The following GRM4 variants were observed in gnomAD, a reference collection of about 807,000 sequenced individuals.
The protein encoded by GRM4 is glutamate metabotropic receptor 4.
GRM4 carries 28 observed loss-of-function variants against 81.7 expected under a neutral mutation model. That is an observed-to-expected ratio of 0.34 (90% CI 0.25 to 0.47). The LOEUF is 0.47. Among genes scored for constraint, GRM4 ranks in the 20% least tolerant of loss-of-function variants. The probability of loss-of-function intolerance (pLI) is 1.00; values close to 1 mark genes in which losing one functional copy is unlikely to be tolerated. For missense variants in GRM4, 948 were observed against 1,290.0 expected (o/e 0.73, Z 4.06); for synonymous variants, 488 against 528.8 (o/e 0.92, Z 1.06).
intron 5 of GRM4, among the ~76,000 whole-genome samples, chr6:34,057,355 C>T (rs1765953403): frequency 6.6e-6 from 1 of 152,204 alleles, no homozygotes; most frequent in South Asian, 2.1e-4. Flanking sequence ...GGCCTGAAAG[C>T]TCAGCGGGGC....
rs971683931 is a variant in GRM4 at position 34,104,294 on chromosome 6, G to A, written c.520-12195C>T. On this transcript the variant is annotated intron_variant, in intron 2 of 10. Coordinates refer to ENST00000538487, the MANE Select transcript of GRM4 (RefSeq NM_000841.4). ...CGGGGCTGGGGACATGGAGCAGGCT[G>A]GGCCAGGGCCAGGCATCCTTGCCAG... Among the ~76,000 whole-genome samples the A allele has an allele frequency of 5.3e-5, 8 of 152,232 alleles. No individual in the cohort carries two copies. In the South Asian group the frequency reaches 6.2e-4, roughly 12 times the overall value.
upstream of GRM4, among the ~76,000 whole-genome samples, chr6:34,149,137 C>CCCCCG (rs201329350): frequency 0.021 from 3,133 of 152,116 alleles, 52 homozygotes; most frequent in Middle Eastern, 0.082. Flanking sequence ...AAAGCAACTC[C>CCCCCG]CCCCCAACCT....
At chr6:34,026,088 C>T (rs1426174988) in intron 10 of GRM4, among the ~76,000 whole-genome samples, 1 of 152,232 alleles carries the variant, frequency 6.6e-6, no homozygotes, top group Non-Finnish European at 1.5e-5. Context: ...TAGGCACCAG[C>T]TGACAGTCCC....
intron 1 of GRM4, among the ~76,000 whole-genome samples, chr6:34,151,240 T>A (rs972878804): frequency 7.9e-5 from 12 of 152,182 alleles, no homozygotes; most frequent in African/African-American, 2.9e-4. Flanking sequence ...GAGTTTACAG[T>A]AAGAATTTAT....
chr6:34,044,413 G>C (rs1377462047), intron 6 of GRM4, among the ~76,000 whole-genome samples: 83 of 84,706 alleles, frequency 9.8e-4, no homozygotes, highest in Middle Eastern at 9.6e-3. Flanking sequence ...TATATACACA[G>C]ACACACACAT....
intron 3 of GRM4, among the ~76,000 whole-genome samples, chr6:34,072,215 CCACA>C (rs1332082721): frequency 3.7e-5 from 1 of 27,374 alleles, no homozygotes; most frequent in Non-Finnish European, 8.4e-5. Flanking sequence ...TCACCACAAA[CCACA>C]CAGATGCACA....
intron 2 of GRM4, among the ~76,000 whole-genome samples, chr6:34,119,647 T>A (rs1051730236): frequency 4.6e-5 from 7 of 152,148 alleles, no homozygotes; most frequent in Admixed American, 1.3e-4. Context: ...ACGTGCAAAG[T>A]GGCCCATGCA....
intron 8 of GRM4, among the ~76,000 whole-genome samples, chr6:34,039,894 C>T (rs1461085413): frequency 6.7e-6 from 1 of 150,240 alleles, no homozygotes; most frequent in Non-Finnish European, 1.5e-5. Flanking sequence ...TATCCAGAGT[C>T]CCCCCATCCC....
rs549702538 is a variant in GRM4 at position 34,132,182 on chromosome 6, C to G, written c.519+796G>C. Among the ~76,000 whole-genome samples the G allele has an allele frequency of 1.7e-3, 261 of 152,132 alleles. 1 individual carries two copies. The highest frequency in any genetic ancestry group is 6.9e-3 in the South Asian group (33 of 4,816). On this transcript the variant is annotated intron_variant, in intron 2 of 10. Transcript: ENST00000538487. ...AGGAAAGGAGGCGGCAAGGAGGGGGCTGGGAGGGATTCCAGAAGGAAAGGG... is the reference window on the plus strand; with the variant it reads ...AGGAAAGGAGGCGGCAAGGAGGGGGGTGGGAGGGATTCCAGAAGGAAAGGG...
intron 9 of GRM4, among the ~76,000 whole-genome samples, chr6:34,031,591 C>T (rs1344524043): frequency 6.6e-6 from 1 of 152,216 alleles, no homozygotes; most frequent in Admixed American, 6.5e-5. Flanking sequence ...ACAAACCAGA[C>T]AAATAAACTT....
chr6:34,122,199 ACTCT>A (rs1229274530), intron 2 of GRM4, among the ~76,000 whole-genome samples: 2 of 151,302 alleles, frequency 1.3e-5, no homozygotes, highest in African/African-American at 4.9e-5. Context: ...GAGCCCCAAC[ACTCT>A]CTCTCTGTGC....
chr6:34,137,790 C>G (rs1770520066), intron 1 of GRM4, among the ~76,000 whole-genome samples: 1 of 138,358 alleles, frequency 7.2e-6, no homozygotes, highest in South Asian at 2.3e-4. Context: ...TGACATCTCA[C>G]TATGTCGCTT....
At chr6:34,127,946 C>T (rs1029772477) in intron 2 of GRM4, among the ~76,000 whole-genome samples, 4 of 152,164 alleles carry the variant, frequency 2.6e-5, no homozygotes, top group South Asian at 2.1e-4. Context: ...CCCATAGCCC[C>T]GGCTCCAGAA....
intron 3 of GRM4, among the ~76,000 whole-genome samples, chr6:34,066,606 C>T (rs1766479305): frequency 6.6e-6 from 1 of 152,044 alleles, no homozygotes; most frequent in South Asian, 2.1e-4. Flanking sequence ...ATAGTAGGTG[C>T]TCTCAAGTGT....
At chr6:34,041,557 C>T (rs1181304526) in intron 6 of GRM4, among the ~76,000 whole-genome samples, 1 of 152,224 alleles carries the variant, frequency 6.6e-6, no homozygotes, top group Non-Finnish European at 1.5e-5. Flanking sequence ...CCCTGTGCAG[C>T]CTCCTTGGTT....
chr6:34,098,121 T>C (rs1369087298), intron 2 of GRM4, among the ~76,000 whole-genome samples: 1 of 152,160 alleles, frequency 6.6e-6, no homozygotes, highest in Admixed American at 6.5e-5. Flanking sequence ...GTCGTCACCA[T>C]CACAACAGAG....
Position 34,040,600 on chromosome 6 carries a change from G to C in GRM4, c.1317C>G (p.Asp439Glu), listed in dbSNP as rs751906934. The change falls in exon 7 of 11, where the codon GAC becomes GAG. Residue 439 changes from aspartate (D) to glutamate (E), a missense_variant. Physicochemically the swap from Asp to Glu is conservative, Grantham distance 45 (BLOSUM62 2). Coordinates refer to ENST00000538487, the MANE Select transcript of GRM4 (RefSeq NM_000841.4). The part of the protein sequence containing the change: ...PGRVGLCPRM[D>E]PVDGTQLLKY... ...TAAGCAGCTGGGTGCCATCTACAGG[G>C]TCCATGCGCGGGCAGAGCCCCACGC... 6.8e-6 allele frequency: 11 copies of C among 1,613,976 alleles called. No individual in the cohort carries two copies. The African/African-American group carries it at 1.3e-4, about 20-fold the overall frequency.
At chr6:34,117,724 C>G (rs1207305706) in intron 2 of GRM4, among the ~76,000 whole-genome samples, 1 of 152,172 alleles carries the variant, frequency 6.6e-6, no homozygotes, top group Non-Finnish European at 1.5e-5. Flanking sequence ...CCATGGGGAG[C>G]TCACCTGAGC....
intron 2 of GRM4, among the ~76,000 whole-genome samples, chr6:34,124,047 T>C (rs1228398276): frequency 6.6e-6 from 1 of 152,166 alleles, no homozygotes; most frequent in African/African-American, 2.4e-5. Flanking sequence ...CAAGGGCTGC[T>C]CAGGGACCAT....
Sources: allele counts gnomAD v4.1 joint callset (sites outside exome capture counted in the v4.1 genomes callset), GRCh38; gene constraint gnomAD v4.1.1; transcripts MANE v1.5; gene names NCBI Gene and HGNC (gene_info 2026-07-23, HGNC 2026-07-21).